MACROD2: variants seen among roughly 807,000 people sequenced by gnomAD.
MACROD2 encodes the protein ADP-ribose glycohydrolase MACROD2.
A neutral mutation model predicts 70.4 loss-of-function variants in MACROD2; 36 were observed. The ratio of observed to expected loss-of-function variants is 0.51; its 90% CI spans 0.39 to 0.68. The LOEUF (loss-of-function observed/expected upper bound fraction) is 0.68, where lower values mean the gene tolerates loss of function less well. Among genes scored for constraint, MACROD2 ranks in the 30% least tolerant of loss-of-function variants. The pLI, the probability that MACROD2 is intolerant of heterozygous loss-of-function variation, is 0.00. For missense variants in MACROD2, 496 were observed against 538.4 expected (o/e 0.92, Z 0.78); for synonymous variants, 172 against 178.8 (o/e 0.96, Z 0.30).
chr20:15,352,724 C>G (rs2078241709), intron 6 of MACROD2, among the ~76,000 whole-genome samples: 1 of 151,966 alleles, frequency 6.6e-6, no homozygotes, highest in Non-Finnish European at 1.5e-5. Context: ...AAACAGAGAG[C>G]CAAATCATGA....
intron 8 of MACROD2, among the ~76,000 whole-genome samples, chr20:15,721,006 T>A (rs970922469): frequency 3.3e-5 from 5 of 152,192 alleles, no homozygotes. Flanking sequence ...ATTGGGGGGT[T>A]AATTAATGCA....
At chr20:14,559,265 G>A (rs938070942) in intron 4 of MACROD2, among the ~76,000 whole-genome samples, 1 of 151,648 alleles carries the variant, frequency 6.6e-6, no homozygotes, top group East Asian at 1.9e-4. Flanking sequence ...CACTTTTTAA[G>A]GGATGTATGT....
At chr20:14,231,080 T>C (rs553902678) in intron 3 of MACROD2, among the ~76,000 whole-genome samples, 1 of 152,096 alleles carries the variant, frequency 6.6e-6, no homozygotes, top group South Asian at 2.1e-4. Context: ...TCATCCAAGC[T>C]TTGTTGTTCC....
chr20:14,876,235 CT>C (rs541719563), intron 5 of MACROD2, among the ~76,000 whole-genome samples: 5 of 109,036 alleles, frequency 4.6e-5, no homozygotes, highest in African/African-American at 1.2e-4. Context: ...TGAGGGTGAT[CT>C]TTTTTTCATA....
intron 5 of MACROD2, among the ~76,000 whole-genome samples, chr20:15,103,058 A>G (rs1479942481): frequency 2.0e-5 from 3 of 152,208 alleles, no homozygotes; most frequent in African/African-American, 7.2e-5. Flanking sequence ...GGGAATCATA[A>G]GCACAAAATT....
At chr20:14,022,659 T>G (rs2053103398) in intron 2 of MACROD2, among the ~76,000 whole-genome samples, 1 of 152,152 alleles carries the variant, frequency 6.6e-6, no homozygotes. Context: ...GTGTTCTCAT[T>G]TTTCAACTTC....
chr20:15,389,284 G>A (rs534694590), intron 6 of MACROD2, among the ~76,000 whole-genome samples: 67 of 152,318 alleles, frequency 4.4e-4, no homozygotes, highest in African/African-American at 1.6e-3. Flanking sequence ...GAGGGGCAAT[G>A]CCCATGGGGG....
chr20:15,639,264 A>T lies in MACROD2; in HGVS notation c.645+139417A>T, dbSNP rs540827251. Among the ~76,000 whole-genome samples, 18 of 152,354 alleles carry T rather than the reference A, an allele frequency of 1.2e-4. 1 individual carries two copies. The South Asian group carries it at 3.7e-3, about 32-fold the overall frequency. On this transcript the variant is annotated intron_variant, in intron 8 of 17. Transcript: ENST00000684519. The stretch of plus-strand genomic sequence containing the variant: ...ATTATATGCCAGGAAAATATTTTTG[A>T]TGAAAATGAAATGGTAGGGAGGGTT...
Position 15,335,854 on chromosome 20 carries a change from G to A in MACROD2, c.541-95551G>A, listed in dbSNP as rs1017220417. On this transcript the variant is annotated intron_variant, in intron 6 of 17. Coordinates refer to ENST00000684519, the MANE Select transcript of MACROD2 (RefSeq NM_001351661.2). ...AAGCCCAAACAGTACAATTGTGAGTGCAGCTGGTCAGGTCTTCAATACCGT... is the reference window on the plus strand; with the variant it reads ...AAGCCCAAACAGTACAATTGTGAGTACAGCTGGTCAGGTCTTCAATACCGT... 2.4e-4 allele frequency among the ~76,000 whole-genome samples: 36 copies of A among 151,634 alleles called. 2 individuals are homozygous for A. The highest frequency in any genetic ancestry group is 8.8e-4 in the African/African-American group (36 of 40,958).
intron 5 of MACROD2, among the ~76,000 whole-genome samples, chr20:15,034,491 C>T (rs2123007128): frequency 6.6e-6 from 1 of 152,190 alleles, no homozygotes; most frequent in Admixed American, 6.5e-5. Flanking sequence ...TGAAGAGGGA[C>T]TCAACATATA....
In MACROD2 at chr20:15,447,884, T is replaced by C. The variant is rs146393213; in HGVS notation, c.571+16449T>C. Among the ~76,000 whole-genome samples, 204 of 152,174 alleles carry C rather than the reference T, an allele frequency of 1.3e-3. 1 individual carries two copies. The highest frequency in any genetic ancestry group is 4.7e-3 in the African/African-American group (194 of 41,524). The stretch of plus-strand genomic sequence containing the variant: ...CCCTGTCTCTCAGGCTATTAGAAGG[T>C]ACCAAAGAGGTGAATACAGACTGGT... On this transcript the variant is annotated intron_variant, in intron 7 of 17. Transcript: ENST00000684519.
chr20:14,363,917 T>C (rs995819591), intron 3 of MACROD2, among the ~76,000 whole-genome samples: 3 of 150,372 alleles, frequency 2.0e-5, no homozygotes, highest in East Asian at 3.9e-4. Flanking sequence ...CACTGCAATC[T>C]AGTGATGGTC....
intron 6 of MACROD2, among the ~76,000 whole-genome samples, chr20:15,283,120 T>A (rs2077460279): frequency 6.6e-6 from 1 of 152,204 alleles, no homozygotes; most frequent in African/African-American, 2.4e-5. Flanking sequence ...ACTGCCCATA[T>A]GATCCAACTA....
intron 3 of MACROD2, among the ~76,000 whole-genome samples, chr20:14,407,837 A>G (rs1355601474): frequency 3.3e-5 from 5 of 152,202 alleles, no homozygotes; most frequent in Non-Finnish European, 2.9e-5. Flanking sequence ...TTTAACTGTA[A>G]GAAAATACTT....
intron 3 of MACROD2, among the ~76,000 whole-genome samples, chr20:14,436,468 T>C (rs2084057580): frequency 6.6e-6 from 1 of 152,204 alleles, no homozygotes; most frequent in Non-Finnish European, 1.5e-5. Context: ...ATGTAGATTT[T>C]GTTACTCTTA....
chr20:14,589,848 G>A (rs373090317), intron 4 of MACROD2, among the ~76,000 whole-genome samples: 2 of 152,116 alleles, frequency 1.3e-5, no homozygotes, highest in South Asian at 4.1e-4. Context: ...ACATACTGCT[G>A]TATGGCATGA....
intron 3 of MACROD2, among the ~76,000 whole-genome samples, chr20:14,173,133 G>A (rs1445665278): frequency 2.0e-5 from 3 of 152,078 alleles, no homozygotes; most frequent in Non-Finnish European, 2.9e-5. Flanking sequence ...ATCTTTTTGC[G>A]ATAAATTTTC....
chr20:15,147,214 T>G (rs781420722), intron 5 of MACROD2, among the ~76,000 whole-genome samples: 2 of 152,170 alleles, frequency 1.3e-5, no homozygotes, highest in Non-Finnish European at 2.9e-5. Context: ...TCATGGTACT[T>G]TTTCCTTTTC....
At chr20:14,922,895 A>C (rs2074180856) in intron 5 of MACROD2, among the ~76,000 whole-genome samples, 1 of 152,222 alleles carries the variant, frequency 6.6e-6, no homozygotes, top group Non-Finnish European at 1.5e-5. Flanking sequence ...TTATTTTAAA[A>C]TGTGAATTAT....
Sources: gnomAD v4.1 joint callset for allele counts (sites outside exome capture counted in the v4.1 genomes callset) on GRCh38, gnomAD v4.1.1 for gene constraint, MANE v1.5 for transcripts, NCBI Gene and HGNC (gene_info 2026-07-23, HGNC 2026-07-21) for gene names.